The following KANSL1 variants were observed in gnomAD, a reference collection of about 807,000 sequenced individuals.
KANSL1 encodes KAT8 regulatory NSL complex subunit 1.
A neutral mutation model predicts 103.6 loss-of-function variants in KANSL1; 22 were observed. The ratio of observed to expected loss-of-function variants is 0.21; its 90% CI spans 0.15 to 0.30. The LOEUF is 0.30. KANSL1 is among the 10% of genes least tolerant of loss of function. The pLI, the probability that KANSL1 is intolerant of heterozygous loss-of-function variation, is 1.00. For synonymous variants in KANSL1, 600 were observed against 527.6 expected (o/e 1.14, Z -1.88); for missense variants, 1,337 against 1,399.8 (o/e 0.96, Z 0.72).
At chr17:46,070,951 C>A (rs2078554072) in intron 4 of KANSL1, among the ~76,000 whole-genome samples, 1 of 152,106 alleles carries the variant, frequency 6.6e-6, no homozygotes. Context: ...AACAAAGTCT[C>A]ATTTCAAAAC....
chr17:46,196,502 TAC>T (rs2047614887), upstream of KANSL1: 1 of 450,800 alleles, frequency 2.2e-6, no homozygotes, highest in African/African-American at 2.0e-5. Context: ...CTCAAACTGC[TAC>T]AGTCACCTTT....
chr17:46,208,377 C>T (rs2048042394), intron 1 of KANSL1, among the ~76,000 whole-genome samples: 1 of 152,078 alleles, frequency 6.6e-6, no homozygotes, highest in South Asian at 2.1e-4. Flanking sequence ...TTTGGAAGGT[C>T]AAGGCCACAG....
intron 2 of KANSL1, among the ~76,000 whole-genome samples, chr17:46,160,714 G>T (rs147492415): frequency 6.6e-5 from 10 of 152,102 alleles, no homozygotes; most frequent in Non-Finnish European, 1.0e-4. Context: ...CAAAAAATAC[G>T]TATTACCAAA....
At chr17:46,125,101 A>AGAGAGG (rs2043490221) in intron 2 of KANSL1, among the ~76,000 whole-genome samples, 7 of 19,038 alleles carry the variant, frequency 3.7e-4, no homozygotes, top group South Asian at 4.2e-3. Context: ...AGGGAGGGAG[A>AGAGAGG]GAGGGAGGGA....
intron 2 of KANSL1, among the ~76,000 whole-genome samples, chr17:46,108,848 A>C (rs2042681559): frequency 6.6e-6 from 1 of 152,234 alleles, no homozygotes. Flanking sequence ...TAATGCTGAA[A>C]GCGAGTCAAG....
intron 1 of KANSL1, among the ~76,000 whole-genome samples, chr17:46,204,733 A>C (rs1248776839): frequency 6.6e-6 from 1 of 152,246 alleles, no homozygotes; most frequent in Non-Finnish European, 1.5e-5. Context: ...AACATATTAA[A>C]AGGCTTATAC....
In KANSL1 at chr17:46,033,181, T is replaced by C. The variant is rs779145246; in HGVS notation, c.2736A>G (p.Leu912=). 2.5e-6 allele frequency: 4 copies of C among 1,599,978 alleles called. No homozygotes were observed. Among genetic ancestry groups the C allele is most frequent in the Non-Finnish European group, 3.4e-6 (4 of 1,172,240 alleles). ...GCAGGGCGGCGAAGGCTGCGTCGGA[T>C]AGGTCCTCAATCTGCAATAGAGCAG... ...PDEENEEIED[L]SDAAFAALHA... Residue 912 remains leucine (L), a synonymous_variant, in exon 13 of 15, where the codon CTA becomes CTG. Coordinates refer to ENST00000432791, the MANE Select transcript of KANSL1 (RefSeq NM_015443.4).
At chr17:46,177,246 C>T (rs2046564625) in intron 1 of KANSL1, among the ~76,000 whole-genome samples, 6 of 152,210 alleles carry the variant, frequency 3.9e-5, no homozygotes, top group Admixed American at 3.9e-4. Flanking sequence ...GGAGCAACCA[C>T]CCAGTATTAT....
chr17:46,170,730 G>GA (rs2046239894), intron 2 of KANSL1, 125 bp downstream of exon 2: 6 of 1,133,226 alleles, frequency 5.3e-6, no homozygotes, highest in Non-Finnish European at 6.2e-6. Context: ...CAACATCAGG[G>GA]AAAAAACAAA....
intron 1 of KANSL1, among the ~76,000 whole-genome samples, chr17:46,186,372 A>G (rs1178132718): frequency 1.3e-5 from 2 of 150,882 alleles, no homozygotes; most frequent in African/African-American, 4.9e-5. Context: ...GCACAGAGCG[A>G]GACTGTGTCT....
chr17:46,190,435 A>AT (rs141166507), intron 1 of KANSL1, among the ~76,000 whole-genome samples: 17,245 of 150,314 alleles, frequency 0.11, no homozygotes, highest in Non-Finnish European at 0.17. Flanking sequence ...GTCAAATACG[A>AT]ATGTTCTGAA....
chr17:46,062,127 A>C lies in KANSL1; in HGVS notation c.1848+4410T>G, dbSNP rs1170698381. On this transcript the variant is annotated intron_variant, in intron 6 of 14. Transcript: ENST00000432791. ...AAAAAAAACAAACAAACAAAAAAAA[A>C]AAAAAAACATGTTACAGCAGATTTA... Among the ~76,000 whole-genome samples the C allele has an allele frequency of 2.1e-5, 3 of 140,612 alleles. 1 individual carries two copies. The highest frequency in any genetic ancestry group is 7.6e-5 in the African/African-American group (3 of 39,532). The allele number at this position is 140,612 out of a possible 152,430, so 92.2% of individuals were successfully genotyped here.
intron 1 of KANSL1, chr17:46,222,296 G>C (rs2048556479): frequency 1.4e-5 from 2 of 146,980 alleles, no homozygotes; most frequent in South Asian, 4.2e-4. Flanking sequence ...TAAAAGTAGG[G>C]CTTTGTGTAC....
At chr17:46,155,950 C>G (rs2045403556) in intron 2 of KANSL1, among the ~76,000 whole-genome samples, 1 of 152,128 alleles carries the variant, frequency 6.6e-6, no homozygotes, top group African/African-American at 2.4e-5. Flanking sequence ...AAAACATACT[C>G]TAAGAACAAT....
At chr17:46,222,913 C>G (rs1464419298) in intron 1 of KANSL1, 3 of 151,596 alleles carry the variant, frequency 2.0e-5, no homozygotes, top group African/African-American at 7.3e-5. Context: ...AAGCCACCTA[C>G]TTAAGTCTTA....
At chr17:46,038,416 T>C (rs1568373104) in intron 10 of KANSL1, 122 bp downstream of exon 10, 7 of 1,015,812 alleles carry the variant, frequency 6.9e-6, no homozygotes, top group Non-Finnish European at 1.0e-5. Flanking sequence ...TATGTCATGA[T>C]GAGCTGAGAT....
intron 2 of KANSL1, among the ~76,000 whole-genome samples, chr17:46,142,772 A>C (rs994573930): frequency 1.3e-5 from 2 of 152,262 alleles, no homozygotes; most frequent in South Asian, 2.1e-4. Flanking sequence ...TTAAACAAAA[A>C]ACCTGCTTGT....
intron 2 of KANSL1, among the ~76,000 whole-genome samples, chr17:46,110,627 A>T (rs992515368): frequency 5.9e-5 from 9 of 152,196 alleles, no homozygotes; most frequent in African/African-American, 2.2e-4. Context: ...GGAAGGGGGG[A>T]GATGACCCTC....
intron 2 of KANSL1, among the ~76,000 whole-genome samples, chr17:46,142,751 T>C (rs1321433166): frequency 3.9e-5 from 6 of 152,400 alleles, no homozygotes; most frequent in East Asian, 1.9e-4. Context: ...TCCATGCTAA[T>C]TGGAGTGTGG....
Sources: allele counts gnomAD v4.1 joint callset (sites outside exome capture counted in the v4.1 genomes callset), GRCh38; gene constraint gnomAD v4.1.1; transcripts MANE v1.5; gene names NCBI Gene and HGNC (gene_info 2026-07-23, HGNC 2026-07-21).